PLCH2: variants seen among roughly 807,000 people sequenced by gnomAD.
PLCH2 encodes the protein phospholipase C eta 2.
A neutral mutation model predicts 134.7 loss-of-function variants in PLCH2; 98 were observed. That is an observed-to-expected ratio of 0.73 (90% CI 0.62 to 0.86). The LOEUF (loss-of-function observed/expected upper bound fraction) is 0.86. Ranked by LOEUF, PLCH2 falls within the 40% of genes least tolerant of loss-of-function variation. The pLI, the probability that PLCH2 is intolerant of heterozygous loss-of-function variation, is 0.00. For missense variants in PLCH2, 1,994 were observed against 1,986.6 expected, an observed-to-expected ratio of 1.00 and a Z score of -0.07; for synonymous variants, 974 against 827.5, an observed-to-expected ratio of 1.18 and a Z score of -3.04.
At chr1:2,427,106 C>T (rs373704532) in intron 1 of PLCH2, among the ~76,000 whole-genome samples, 3 of 152,210 alleles carry the variant, frequency 2.0e-5, no homozygotes, top group East Asian at 1.9e-4. Flanking sequence ...CTGGGACCCA[C>T]GTTCAGCCTG....
At position 2,498,687 on chromosome 1, in the gene PLCH2, G is replaced by T. The variant is rs1166830344; in HGVS notation, c.2349+40G>T. 6.5e-7 allele frequency: 1 copy of T among 1,531,026 alleles called. No individual in the cohort carries two copies. The highest frequency in any genetic ancestry group is 8.9e-7 in the Non-Finnish European group (1 of 1,125,354). The allele number at this position is 1,531,026 out of a possible 1,614,324, so 94.8% of individuals were successfully genotyped here. A position where few individuals can be genotyped will look rare whatever the true frequency, so the allele number is the denominator to read the frequency against. ...CACACAGGCGGGAGGGGTGGGAGTT[G>T]GGGGCGGGCCGGGCATCGCGATGGG... On this transcript the variant is annotated intron_variant, in intron 17 of 21. Coordinates refer to ENST00000378486, the MANE Select transcript of PLCH2 (RefSeq NM_014638.4). This position sits in a 1 kb window ranked among gnomAD's most constrained non-coding sequence, Gnocchi z 5.4.
At chr1:2,432,850 C>T (rs1639134241) in intron 2 of PLCH2, among the ~76,000 whole-genome samples, 1 of 152,184 alleles carries the variant, frequency 6.6e-6, no homozygotes, top group Non-Finnish European at 1.5e-5. Context: ...AGGAGCTGCC[C>T]CTGGGAGGCG....
Position 2,476,323 on chromosome 1 carries a change from G to T in PLCH2, c.-266G>T. ...TCCCCCAGCCTTGGGAGGCGGCTGC[G>T]TCAGGGATTCCTTGGTGGCCCTGGA... On this transcript the variant is annotated 5_prime_UTR_variant, in exon 1 of 22. Coordinates refer to ENST00000378486, the MANE Select transcript of PLCH2 (RefSeq NM_014638.4). The T allele has an allele frequency of 2.6e-6, 1 of 385,960 alleles. No homozygotes were observed. The highest frequency in any genetic ancestry group is 6.7e-4 in the Middle Eastern group (1 of 1,492). 23.9% of individuals were successfully genotyped at this position (385,960 alleles called of 1,614,324 possible).
intron 21 of PLCH2, chr1:2,503,306 G>A (rs1397257676): frequency 8.8e-6 from 5 of 569,346 alleles, no homozygotes; most frequent in Admixed American, 6.1e-5. Flanking sequence ...TGGGGGCCAC[G>A]TACCATCCCA....
At chr1:2,425,716 GT>G (rs1638762153), upstream of PLCH2, among the ~76,000 whole-genome samples, 1 of 150,518 alleles carries the variant, frequency 6.6e-6, no homozygotes, top group East Asian at 1.9e-4. Flanking sequence ...TAGAGATGGA[GT>G]TTCACCATGT....
At chr1:2,427,325 C>G (rs910288625) in intron 1 of PLCH2, among the ~76,000 whole-genome samples, 1 of 152,114 alleles carries the variant, frequency 6.6e-6, no homozygotes, top group Non-Finnish European at 1.5e-5. Context: ...GGCCCGGGGC[C>G]GCAGGTCTGG....
Position 2,502,302 on chromosome 1 carries a change from C to A in PLCH2, c.2852C>A (p.Thr951Lys). 6.5e-7 allele frequency: 1 copy of A among 1,536,362 alleles called. No individual in the cohort carries two copies. The highest frequency in any genetic ancestry group is 2.0e-5 in the Admixed American group (1 of 49,364). ...GGCTTCCCGGAGCTGGTCCTGGGTACACGGGACACAGGCTCCAAGGGGGTG... is the reference window on the plus strand; with the variant it reads ...GGCTTCCCGGAGCTGGTCCTGGGTAAACGGGACACAGGCTCCAAGGGGGTG... ...RRGFPELVLG[T>K]RDTGSKGVAD... The change falls in exon 21 of 22, where the codon ACA becomes AAA. Residue 951 changes from threonine to lysine, a missense_variant. This residue lies in a region of PLCH2 where 900 missense variants were observed against 752.3 expected (regional missense o/e 1.20). Coordinates refer to ENST00000378486, the MANE Select transcript of PLCH2 (RefSeq NM_014638.4).
chr1:2,437,705 C>T (rs1449593834), intron 2 of PLCH2, among the ~76,000 whole-genome samples: 1 of 152,252 alleles, frequency 6.6e-6, no homozygotes, highest in African/African-American at 2.4e-5. Context: ...CACACGAAGG[C>T]ACACACATTT....
upstream of PLCH2, among the ~76,000 whole-genome samples, chr1:2,462,829 G>A (rs1490490023): frequency 1.3e-5 from 2 of 152,142 alleles, no homozygotes; most frequent in East Asian, 3.9e-4. Flanking sequence ...ACAGGAGGTC[G>A]CTCAGCCCAT....
chr1:2,422,830 G>A (rs572484586), upstream of PLCH2, among the ~76,000 whole-genome samples: 26 of 152,070 alleles, frequency 1.7e-4, no homozygotes, highest in Non-Finnish European at 3.4e-4. Context: ...GGCATGAGCC[G>A]CTGTACCTGG....
At chr1:2,485,724 G>A (rs542427261) in intron 5 of PLCH2, among the ~76,000 whole-genome samples, 10 of 152,192 alleles carry the variant, frequency 6.6e-5, no homozygotes, top group South Asian at 4.2e-4. Flanking sequence ...GGCCACCTGC[G>A]CTGCGTCAGC....
At chr1:2,429,550 G>A (rs1042397064) in intron 1 of PLCH2, among the ~76,000 whole-genome samples, 16 of 152,204 alleles carry the variant, frequency 1.1e-4, no homozygotes, top group Non-Finnish European at 2.4e-4. Context: ...CCCTGGGCCA[G>A]GACGAGGAGG....
chr1:2,489,368 T>A lies in PLCH2; in HGVS notation c.1397T>A (p.Ile466Asn). Residue 466 changes from isoleucine to asparagine, a missense_variant, in exon 9 of 22, where the codon ATC becomes AAC. Physicochemically the swap from Ile to Asn is moderately radical, Grantham distance 149. This residue lies in a region of PLCH2 where 1,094 missense variants were observed against 1,234.3 expected (regional missense o/e 0.89). Coordinates refer to ENST00000378486, the MANE Select transcript of PLCH2 (RefSeq NM_014638.4). ...LPSPQMLKGK[I>N]LVKGKKLPAN... Reference sequence around the variant, plus strand: ...TCTCCACAGATGCTCAAGGGCAAGATCCTCGTGAAGGTGAGTGAGCCCCTG... The same window carrying A: ...TCTCCACAGATGCTCAAGGGCAAGAACCTCGTGAAGGTGAGTGAGCCCCTG... 1 of 1,613,636 alleles carries A rather than the reference T, an allele frequency of 6.2e-7. No individual in the cohort carries two copies. The highest frequency in any genetic ancestry group is 8.5e-7 in the Non-Finnish European group (1 of 1,179,852).
rs889354282 is a variant in PLCH2 at position 2,439,116 on chromosome 1, G to A, written c.115+8487G>A. ...CCAATGAGAAACTGTTTCAAGGCAG[G>A]ATACCATGTCTCTGGGGACCCTGGG... On this transcript the variant is annotated intron_variant, in intron 2 of 3. Transcript: ENST00000609981. This position sits in a 1 kb window ranked among gnomAD's most constrained non-coding sequence, Gnocchi z 4.7. Among the ~76,000 whole-genome samples the A allele has an allele frequency of 6.6e-6, 1 of 152,234 alleles. No individual in the cohort carries two copies. Among genetic ancestry groups the A allele is most frequent in the Non-Finnish European group, 1.5e-5 (1 of 68,042 alleles).
At chr1:2,429,524 G>A (rs1040818818) in intron 1 of PLCH2, among the ~76,000 whole-genome samples, 2 of 152,176 alleles carry the variant, frequency 1.3e-5, no homozygotes, top group Non-Finnish European at 1.5e-5. Flanking sequence ...CTGAGCAGAG[G>A]CTGGTGGGAC....
chr1:2,431,317 G>A (rs1639060083), intron 2 of PLCH2, among the ~76,000 whole-genome samples: 1 of 135,862 alleles, frequency 7.4e-6, no homozygotes, highest in Non-Finnish European at 1.6e-5. Flanking sequence ...CCTACATGGT[G>A]TGTGCCCAAG....
chr1:2,467,473 G>C (rs928953442), exon 1 of PLCH2: 1 of 393,524 alleles, frequency 2.5e-6, no homozygotes, highest in Admixed American at 4.4e-5. Context: ...GGCGGGCGCG[G>C]CAGGGCAGCG....
rs1165551130 is a variant in PLCH2, at chr1:2,448,110, A to ATTC, written c.115+17481_115+17482insTTC. Among the ~76,000 whole-genome samples, 3 of 152,156 alleles carry ATTC rather than the reference A, an allele frequency of 2.0e-5. No individual in the cohort carries two copies. Among genetic ancestry groups the ATTC allele is most frequent in the Non-Finnish European group, 4.4e-5 (3 of 68,012 alleles). On this transcript the variant is annotated intron_variant, in intron 2 of 3. Transcript: ENST00000609981. The surrounding 1 kb of genome is among the most constrained non-coding windows in gnomAD (Gnocchi z 4.0). Reference sequence around the variant, plus strand: ...CAGGCAAAGGTGACCCTTGTCAGGAACGCTTTGCTGACAGCTGGGCTGCCC... The same window carrying ATTC: ...CAGGCAAAGGTGACCCTTGTCAGGAATTCCGCTTTGCTGACAGCTGGGCTGCCC...
chr1:2,443,995 C>A (rs1265261393), intron 2 of PLCH2, among the ~76,000 whole-genome samples: 1 of 152,166 alleles, frequency 6.6e-6, no homozygotes, highest in Non-Finnish European at 1.5e-5. Context: ...CCTGCCGCTG[C>A]GCCGCTGCCA....
Sources: gnomAD v4.1 joint callset for allele counts (sites outside exome capture counted in the v4.1 genomes callset) on GRCh38, gnomAD v4.1.1 for gene constraint, gnomAD v4.1.1 regional missense constraint, Gnocchi (gnomAD v3.1) non-coding constraint, MANE v1.5 for transcripts, NCBI Gene and HGNC (gene_info 2026-07-23, HGNC 2026-07-21) for gene names.